Variants in PDIA6 observed in about 807,000 individuals in gnomAD.
PDIA6 encodes the protein protein disulfide-isomerase A6.
A neutral mutation model predicts 58.4 loss-of-function variants in PDIA6; 29 were observed. The observed-to-expected ratio is 0.50, with a 90% CI of 0.37 to 0.68. The LOEUF is 0.68. Among genes scored for constraint, PDIA6 ranks in the 30% least tolerant of loss-of-function variants. The pLI, the probability that PDIA6 is intolerant of heterozygous loss-of-function variation, is 0.00. For synonymous variants in PDIA6, 192 were observed against 202.6 expected (o/e 0.95, Z 0.44); for missense variants, 480 against 551.0 (o/e 0.87, Z 1.29).
At chr2:10,801,943 G>A (rs934413313) in intron 2 of PDIA6, among the ~76,000 whole-genome samples, 2 of 152,198 alleles carry the variant, frequency 1.3e-5, no homozygotes, top group Admixed American at 6.5e-5. Flanking sequence ...CAGGATACTT[G>A]TGGCCTGCTG....
intron 1 of PDIA6, among the ~76,000 whole-genome samples, chr2:10,826,998 C>G (rs72779478): frequency 6.6e-6 from 1 of 152,108 alleles, no homozygotes; most frequent in Admixed American, 6.5e-5. Context: ...ACAGTGCCCC[C>G]GGGTGAGCAG....
intron 2 of PDIA6, among the ~76,000 whole-genome samples, chr2:10,799,989 T>A (rs1666435708): frequency 6.6e-6 from 1 of 151,452 alleles, no homozygotes; most frequent in African/African-American, 2.5e-5. Context: ...TCTATGAATT[T>A]GGATGAAAAA....
Position 10,787,394 on chromosome 2 carries a change from CG to C in PDIA6, c.1043del (p.Ala348GlyfsTer20). On this transcript the variant is annotated frameshift_variant, in exon 11 of 13. Coordinates refer to ENST00000272227, the MANE Select transcript of PDIA6 (RefSeq NM_005742.4). LOFTEE classifies it high-confidence loss of function. ...GGTACCCAAACCCTCCAATCCCCAA[CG>C]CGGTCTCAAGTTCAGACTGGGCTCC... is the stretch of plus-strand genomic sequence containing the variant. ...EAGAQSELET[A>X]LGIGGFGYPA... is the part of the protein sequence containing the mutation. The C allele has an allele frequency of 6.2e-7, 1 of 1,614,128 alleles. No individual in the cohort carries two copies. Among genetic ancestry groups the C allele is most frequent in the Non-Finnish European group, 8.5e-7 (1 of 1,180,004 alleles).
chr2:10,796,500 TAA>T (rs79164237), intron 4 of PDIA6, among the ~76,000 whole-genome samples: 56 of 132,216 alleles, frequency 4.2e-4, no homozygotes, highest in Admixed American at 5.4e-4. Context: ...CTCTGTCTCT[TAA>T]AAAAAAAAAA....
At chr2:10,834,432 C>T (rs989775264), upstream of PDIA6, among the ~76,000 whole-genome samples, 5 of 150,980 alleles carry the variant, frequency 3.3e-5, no homozygotes, top group African/African-American at 1.2e-4. Context: ...CCTCCTTCCA[C>T]GGAGGCCTGG....
At chr2:10,822,533 AT>A (rs1287480158) in intron 1 of PDIA6, among the ~76,000 whole-genome samples, 1 of 152,210 alleles carries the variant, frequency 6.6e-6, no homozygotes, top group Non-Finnish European at 1.5e-5. Flanking sequence ...AAGTGCTAGG[AT>A]TACAGGCGTG....
chr2:10,791,382 G>C (rs371456322), intron 6 of PDIA6, among the ~76,000 whole-genome samples: 3 of 152,334 alleles, frequency 2.0e-5, no homozygotes, highest in Admixed American at 6.5e-5. Flanking sequence ...CTGACCTCAA[G>C]TGATCCGCCT....
rs1247314085 is a variant in PDIA6 at position 10,785,015 on chromosome 2, C to T, written c.1173G>A (p.Gly391=). ...CTCCTACAGGTGCCGTGGAGCCACG[C>T]CCAAAAGAGAGCTCCCTTAGGGAAA... ...INEFLRELSF[G]RGSTAPVGGG... is the part of the protein sequence containing the mutation. Residue 391 remains glycine (G), a synonymous_variant, in exon 12 of 13, where the codon GGG becomes GGA. Transcript: ENST00000272227. 1.3e-6 allele frequency: 2 copies of T among 1,579,806 alleles called. No individual in the cohort carries two copies. The highest frequency in any genetic ancestry group is 4.6e-5 in the East Asian group (2 of 43,424).
Position 10,784,211 on chromosome 2 carries a change from A to T in PDIA6, c.*47T>A. 1 of 1,492,882 alleles carries T rather than the reference A, an allele frequency of 6.7e-7. No homozygotes were observed. The highest frequency in any genetic ancestry group is 9.3e-7 in the Non-Finnish European group (1 of 1,080,880). The allele number at this position is 1,492,882 out of a possible 1,614,324, so 92.5% of individuals were successfully genotyped here. ...TGTCCCTTCACTGCTGGAAAAATCCACTGGCTCCCAAGAAAAGAAAATGGT... is the reference window on the plus strand; with the variant it reads ...TGTCCCTTCACTGCTGGAAAAATCCTCTGGCTCCCAAGAAAAGAAAATGGT... On this transcript the variant is annotated 3_prime_UTR_variant, in exon 13 of 13. Coordinates refer to ENST00000272227, the MANE Select transcript of PDIA6 (RefSeq NM_005742.4).
chr2:10,812,944 TC>T, upstream of PDIA6: 1 of 552,520 alleles, frequency 1.8e-6, no homozygotes, highest in Non-Finnish European at 2.5e-6. Context: ...TGGTTTTTTT[TC>T]ACGGGGGCGG....
chr2:10,791,759 T>A, intron 6 of PDIA6, 36 bp downstream of exon 6: 2 of 1,592,646 alleles, frequency 1.3e-6, no homozygotes, highest in East Asian at 4.5e-5. Context: ...CTGAAAACAC[T>A]GTGAATGAAC....
In PDIA6 at chr2:10,819,221, T is replaced by G; in HGVS notation, c.34+53A>C. The G allele has an allele frequency of 2.7e-6, 3 of 1,124,376 alleles. No homozygotes were observed. The South Asian group carries it at 4.1e-5, about 15-fold the overall frequency. 69.6% of individuals were successfully genotyped at this position (1,124,376 alleles called of 1,614,324 possible). A position where few individuals can be genotyped will look rare whatever the true frequency, so the allele number is the denominator to read the frequency against. ...TGGACACTTGGGTTGTTTTCACCTT[T>G]TGGCTGTTGTGAACAGATGGAGGCT... is the stretch of plus-strand genomic sequence containing the variant. On this transcript the variant is annotated intron_variant, in intron 2 of 13. Coordinates refer to the PDIA6 transcript ENST00000381611.
intron 7 of PDIA6, 44 bp downstream of exon 7, chr2:10,790,675 C>T: frequency 7.3e-7 from 1 of 1,361,548 alleles, no homozygotes; most frequent in Admixed American, 1.7e-5. Flanking sequence ...AGTAACGAAA[C>T]ACCATGTATT....
intron 1 of PDIA6, among the ~76,000 whole-genome samples, chr2:10,809,105 G>C (rs537345576): frequency 6.6e-6 from 1 of 152,072 alleles, no homozygotes; most frequent in Non-Finnish European, 1.5e-5. Context: ...CACCGTGCCC[G>C]GCCTCAATAT....
chr2:10,803,291 G>A (rs1686433), intron 1 of PDIA6, among the ~76,000 whole-genome samples: 73,202 of 151,550 alleles, frequency 0.48, 19,287 homozygotes, highest in South Asian at 0.58. Context: ...CCAAGTAGCT[G>A]GGATTACAGG....
intron 1 of PDIA6, among the ~76,000 whole-genome samples, chr2:10,807,789 A>C (rs1186801918): frequency 6.6e-6 from 1 of 152,208 alleles, no homozygotes; most frequent in Non-Finnish European, 1.5e-5. Flanking sequence ...TCCATCATAC[A>C]ACACGTTCAA....
At chr2:10,810,196 C>G (rs1194773539) in intron 1 of PDIA6, 2 of 936,070 alleles carry the variant, frequency 2.1e-6, no homozygotes, top group Admixed American at 4.0e-5. Flanking sequence ...TCATGGTGCC[C>G]ATTATTTCAC....
At chr2:10,832,342 C>CAGTG (rs1261639426) in exon 1 of PDIA6, 1 of 827,804 alleles carries the variant, frequency 1.2e-6, no homozygotes, top group Non-Finnish European at 1.5e-6. Flanking sequence ...CAGTGCAATG[C>CAGTG]AGTGCAGCCG....
chr2:10,827,468 G>A (rs1667583306), intron 1 of PDIA6, among the ~76,000 whole-genome samples: 1 of 152,190 alleles, frequency 6.6e-6, no homozygotes, highest in Admixed American at 6.5e-5. Flanking sequence ...GTCTACAACA[G>A]TGTCTGCCAC....
Sources: gnomAD v4.1 joint callset for allele counts (sites outside exome capture counted in the v4.1 genomes callset) on GRCh38, gnomAD v4.1.1 for gene constraint, MANE v1.5 for transcripts, NCBI Gene and HGNC (gene_info 2026-07-23, HGNC 2026-07-21) for gene names.